The following B3GALNT1 variants were observed in gnomAD, a reference collection of about 807,000 sequenced individuals.
B3GALNT1 encodes beta-1,3-N-acetylgalactosaminyltransferase 1 (Globoside blood group), also known as UDP-GalNAc:beta-1,3-N-acetylgalactosaminyltransferase 1.
Under a neutral mutation model 27.3 loss-of-function variants are expected in B3GALNT1, and 17 were observed. The observed-to-expected ratio is 0.62, with a 90% confidence interval of 0.43 to 0.94. The LOEUF (loss-of-function observed/expected upper bound fraction) is 0.94. B3GALNT1 is among the 40% of genes least tolerant of loss of function. The pLI is 0.00. For missense variants in B3GALNT1, 347 were observed against 390.0 expected, an observed-to-expected ratio of 0.89 and a Z score of 0.93; for synonymous variants, 141 against 144.0, an observed-to-expected ratio of 0.98 and a Z score of 0.15.
chr3:161,094,050 C>G (rs1412808665), intron 4 of B3GALNT1, among the ~76,000 whole-genome samples: 2 of 152,098 alleles, frequency 1.3e-5, no homozygotes, highest in Non-Finnish European at 1.5e-5. Flanking sequence ...CTCAGAAAAC[C>G]TCCAAAGATA....
chr3:161,101,024 C>T, intron 4 of B3GALNT1, 115 bp downstream of exon 4: 1 of 706,186 alleles, frequency 1.4e-6, no homozygotes, highest in Admixed American at 2.6e-5. Context: ...ACTCCAAATG[C>T]CAAGCTCCTT....
intron 4 of B3GALNT1, among the ~76,000 whole-genome samples, chr3:161,092,194 C>T (rs1157110151): frequency 1.3e-5 from 2 of 152,116 alleles, no homozygotes; most frequent in African/African-American, 4.8e-5. Context: ...CACAAGAAAG[C>T]AATCAAATCC....
intron 3 of B3GALNT1, among the ~76,000 whole-genome samples, chr3:161,102,032 T>C (rs1046308221): frequency 1.3e-5 from 2 of 152,152 alleles, no homozygotes; most frequent in Non-Finnish European, 2.9e-5. Flanking sequence ...TTAGCAGAAA[T>C]CCATGTTCTA....
chr3:161,091,800 C>A lies in B3GALNT1; in HGVS notation c.-34-5012G>T, dbSNP rs961424392. On this transcript the variant is annotated intron_variant, in intron 4 of 4. Coordinates refer to ENST00000320474, the MANE Select transcript of B3GALNT1 (RefSeq NM_003781.4). Reference sequence around the variant, plus strand: ...TTGGGGGACAGGCTGTTGAACACAGCCCCCATGGATAAGCAGAGACTACTA... The same window carrying A: ...TTGGGGGACAGGCTGTTGAACACAGACCCCATGGATAAGCAGAGACTACTA... 1.5e-4 allele frequency among the ~76,000 whole-genome samples: 23 copies of A among 152,116 alleles called. 1 individual carries two copies. Among genetic ancestry groups the A allele is most frequent in the Admixed American group, 1.2e-3 (18 of 15,278 alleles).
rs188460995 is a variant in B3GALNT1, at chr3:161,089,011, A to C, written c.-34-2223T>G. 5.2e-4 allele frequency among the ~76,000 whole-genome samples: 79 copies of C among 152,350 alleles called. No homozygotes were observed. The East Asian group carries it at 0.015, about 28-fold the overall frequency. ...AAGAGGAGAAACTATCTAGTCCAAA[A>C]GCAAGGAACGGACTCTAAAGAACTG... is the stretch of plus-strand genomic sequence containing the variant. On this transcript the variant is annotated intron_variant, in intron 4 of 4. Coordinates refer to ENST00000320474, the MANE Select transcript of B3GALNT1 (RefSeq NM_003781.4).
At chr3:161,096,046 A>G (rs947853023) in intron 4 of B3GALNT1, among the ~76,000 whole-genome samples, 1 of 152,178 alleles carries the variant, frequency 6.6e-6, no homozygotes, top group Non-Finnish European at 1.5e-5. Context: ...ATTCCCTTCA[A>G]AAGAATATAA....
rs1422532001 is a variant in B3GALNT1 at position 161,084,183 on chromosome 3, A to C, written c.*1576T>G. 1 of 152,212 alleles carries C rather than the reference A, an allele frequency of 6.6e-6. No homozygotes were observed. The highest frequency in any genetic ancestry group is 1.5e-5 in the Non-Finnish European group (1 of 68,028). 9.4% of individuals were successfully genotyped at this position (152,212 alleles called of 1,614,324 possible). A position where few individuals can be genotyped will look rare whatever the true frequency, so the allele number is the denominator to read the frequency against. On this transcript the variant is annotated 3_prime_UTR_variant, in exon 5 of 5. Transcript: ENST00000320474. ...AGTCAAATCTAACCATGCCACAAAAATAACTACCACCATCTGTCTTAAAGA... is the reference window on the plus strand; with the variant it reads ...AGTCAAATCTAACCATGCCACAAAACTAACTACCACCATCTGTCTTAAAGA...
chr3:161,085,980 G>A lies in B3GALNT1; in HGVS notation c.775C>T (p.His259Tyr). 4 of 1,589,640 alleles carry A rather than the reference G, an allele frequency of 2.5e-6. No homozygotes were observed. Among genetic ancestry groups the A allele is most frequent in the Non-Finnish European group, 2.6e-6 (3 of 1,168,936 alleles). ...TCTTCAAACTTGATGGGTTTTACGT[G>A]ACCCATCATTTCATAGATCCTTGGC... is the stretch of plus-strand genomic sequence containing the variant. ...LVPRIYEMMGHVKPIKFEDVY... is the reference protein window; with the variant it reads ...LVPRIYEMMGYVKPIKFEDVY... The change falls in exon 5 of 5, where the codon CAC (histidine) becomes TAC (tyrosine). Residue 259 changes from histidine to tyrosine, a missense_variant. By Grantham distance (83) the His-to-Tyr change is moderately conservative. Transcript: ENST00000320474.
intron 4 of B3GALNT1, among the ~76,000 whole-genome samples, chr3:161,091,272 T>A (rs1423593112): frequency 1.3e-5 from 2 of 151,884 alleles, no homozygotes; most frequent in Non-Finnish European, 2.9e-5. Flanking sequence ...GTTTCAAAAA[T>A]AAATAAATAA....
chr3:161,093,554 G>A lies in B3GALNT1; in HGVS notation c.-34-6766C>T, dbSNP rs144105887. 4.9e-3 allele frequency among the ~76,000 whole-genome samples: 748 copies of A among 152,216 alleles called. 28 individuals carry two copies. Among genetic ancestry groups the A allele is most frequent in the Admixed American group, 0.045 (695 of 15,294 alleles). ...AAATCCCATGTCCCAGGGGAGGGAC[G>A]GAGAGAAGAATCAACAATATTGACG... is the stretch of plus-strand genomic sequence containing the variant. On this transcript the variant is annotated intron_variant, in intron 4 of 4. Coordinates refer to ENST00000320474, the MANE Select transcript of B3GALNT1 (RefSeq NM_003781.4).
intron 4 of B3GALNT1, among the ~76,000 whole-genome samples, chr3:161,091,464 CA>C (rs978448703): frequency 3.3e-5 from 5 of 152,092 alleles, no homozygotes; most frequent in Non-Finnish European, 5.9e-5. Context: ...AGTAATATGA[CA>C]AAATCTCGCA....
rs754850380 is a variant in B3GALNT1 at position 161,086,607 on chromosome 3, T to C, written c.148A>G (p.Met50Val). 9.9e-6 allele frequency: 16 copies of C among 1,614,152 alleles called. No individual in the cohort carries two copies. The South Asian group carries it at 1.5e-4, about 16-fold the overall frequency. Residue 50 changes from methionine (M) to valine (V), a missense_variant, in exon 5 of 5, where the codon ATG (methionine) becomes GTG (valine). By Grantham distance (21) the Met-to-Val change is conservative. Transcript: ENST00000320474. ...ATCGGCTCATACTCATAGAAGTACA[T>C]CCAGTTCACGCGTTCTATCACATTG... ...HYNVIERVNWMYFYEYEPIYR... is the reference protein window; with the variant it reads ...HYNVIERVNWVYFYEYEPIYR...
chr3:161,095,762 C>G (rs925813202), intron 4 of B3GALNT1, among the ~76,000 whole-genome samples: 1 of 152,238 alleles, frequency 6.6e-6, no homozygotes, highest in Non-Finnish European at 1.5e-5. Context: ...AGCCACAAAG[C>G]TGAAGCAAAC....
At chr3:161,087,454 A>C (rs926435683) in intron 4 of B3GALNT1, among the ~76,000 whole-genome samples, 12 of 152,114 alleles carry the variant, frequency 7.9e-5, no homozygotes, top group Non-Finnish European at 1.2e-4. Context: ...CCTGCCCCAA[A>C]CACCACCTCT....
rs1414503853 is a variant in B3GALNT1 at position 161,083,983 on chromosome 3, G to A, written c.*1776C>T. The A allele has an allele frequency of 2.0e-5, 3 of 152,326 alleles. No individual in the cohort carries two copies. In the East Asian group the frequency reaches 5.8e-4, roughly 29 times the overall value. The allele number at this position is 152,326 out of a possible 1,614,324, so 9.4% of individuals were successfully genotyped here. On this transcript the variant is annotated 3_prime_UTR_variant, in exon 5 of 5. Transcript: ENST00000320474. Reference sequence around the variant, plus strand: ...GCTGTACTTTTATACAACTGGCAGTGTAGTAGGTTTGTTTACACCAGCATC... The same window carrying A: ...GCTGTACTTTTATACAACTGGCAGTATAGTAGGTTTGTTTACACCAGCATC...
chr3:161,088,244 C>G (rs1723084603), intron 4 of B3GALNT1, among the ~76,000 whole-genome samples: 1 of 152,156 alleles, frequency 6.6e-6, no homozygotes, highest in Non-Finnish European at 1.5e-5. Context: ...TACGTCTCAC[C>G]ACAATTATCT....
chr3:161,087,613 A>G (rs2231251), intron 4 of B3GALNT1, among the ~76,000 whole-genome samples: 28 of 152,218 alleles, frequency 1.8e-4, no homozygotes, highest in Admixed American at 1.8e-3. Flanking sequence ...TGGGATGGAA[A>G]CTCCTAAAAC....
intron 3 of B3GALNT1, 98 bp downstream of exon 3, chr3:161,103,329 T>C (rs908352193): frequency 3.0e-5 from 12 of 404,846 alleles, no homozygotes; most frequent in African/African-American, 2.3e-4. Context: ...ACAAACTTCG[T>C]GGCTGCATCA....
chr3:161,088,599 T>C (rs538050967), intron 4 of B3GALNT1, among the ~76,000 whole-genome samples: 129 of 152,318 alleles, frequency 8.5e-4, no homozygotes, highest in African/African-American at 3.0e-3. Context: ...GAGCAAGAAT[T>C]ATGAAAGTAA....
Sources: gnomAD v4.1 joint callset for allele counts (sites outside exome capture counted in the v4.1 genomes callset) on GRCh38, gnomAD v4.1.1 for gene constraint, MANE v1.5 for transcripts, NCBI Gene and HGNC (gene_info 2026-07-23, HGNC 2026-07-21) for gene names.